GABRA6: variants seen among roughly 807,000 people sequenced by gnomAD.
GABRA6 encodes gamma-aminobutyric acid receptor subunit alpha-6.
In GABRA6, 45 loss-of-function variants were observed where a neutral mutation model predicts 47.3. The observed-to-expected ratio is 0.95, with a 90% CI of 0.75 to 1.22. The LOEUF is 1.22. GABRA6 is among the 50% of genes most tolerant of loss of function. GABRA6 has a pLI of 0.00. For synonymous variants in GABRA6, 219 were observed against 194.7 expected (o/e 1.12, Z -1.04); for missense variants, 583 against 549.3 (o/e 1.06, Z -0.61).
intron 8 of GABRA6, among the ~76,000 whole-genome samples, chr5:161,692,941 C>T (rs1210362939): frequency 1.3e-5 from 2 of 152,086 alleles, no homozygotes; most frequent in Non-Finnish European, 2.9e-5. Context: ...TAAATTATAA[C>T]AACAATTAAG....
Position 161,686,254 on chromosome 5 carries a change from C to T in GABRA6, c.63C>T (p.Leu21=). 3 of 1,613,574 alleles carry T rather than the reference C, an allele frequency of 1.9e-6. No individual in the cohort carries two copies. The highest frequency in any genetic ancestry group is 1.3e-5 in the African/African-American group (1 of 75,026). Residue 21 remains leucine (L), a synonymous_variant, in exon 2 of 9, where the codon CTC becomes CTT. Transcript: ENST00000274545. ...GGCTAGAAAATGCCCTAGGGAAACT[C>T]GAAGTTGAAGGCAACTTCTACTCAG... ...ILWLENALGK[L]EVEGNFYSEN...
chr5:161,690,030 C>A, intron 6 of GABRA6, 171 bp from the exon 7 acceptor site: 1 of 701,364 alleles, frequency 1.4e-6, no homozygotes, highest in Non-Finnish European at 2.5e-6. Flanking sequence ...GTTGATGTGT[C>A]TCTTCGCTCT....
At chr5:161,689,896 G>GAAGT in intron 6 of GABRA6, 117 bp downstream of exon 6, 1 of 1,117,506 alleles carries the variant, frequency 8.9e-7, no homozygotes, top group Non-Finnish European at 1.3e-6. Context: ...ATGCTGTTTT[G>GAAGT]CAGTGATGAG....
At chr5:161,693,194 G>A (rs1465658925) in intron 8 of GABRA6, among the ~76,000 whole-genome samples, 1 of 152,074 alleles carries the variant, frequency 6.6e-6, no homozygotes, top group Non-Finnish European at 1.5e-5. Context: ...GTTTTAAAGC[G>A]ATTTGTTTTT....
rs1263855213 is a variant in GABRA6 at position 161,689,699 on chromosome 5, T to C, written c.593T>C (p.Val198Ala). 2 of 1,610,124 alleles carry C rather than the reference T, an allele frequency of 1.2e-6. No individual in the cohort carries two copies. The highest frequency in any genetic ancestry group is 1.7e-6 in the Non-Finnish European group (2 of 1,176,396). The change falls in exon 6 of 9, where the codon GTC becomes GCC. Residue 198 changes from valine to alanine, a missense_variant. Val to Ala is a moderately conservative substitution (Grantham distance 64, BLOSUM62 0). Coordinates refer to ENST00000274545, the MANE Select transcript of GABRA6 (RefSeq NM_000811.3). ...AAAGGACCACTTTACTCAGTAGAAG[T>C]CCCAGAAGAATCTTCAAGCCTTCTC... Reference protein sequence around the residue: ...WKKGPLYSVEVPEESSSLLQY... With the variant: ...WKKGPLYSVEAPEESSSLLQY...
intron 8 of GABRA6, among the ~76,000 whole-genome samples, chr5:161,697,072 T>A (rs1056555095): frequency 2.6e-5 from 4 of 152,228 alleles, no homozygotes; most frequent in African/African-American, 9.7e-5. Context: ...AAGTCCAGTT[T>A]GACTTAAAGT....
At position 161,686,990 on chromosome 5, in the gene GABRA6, C is replaced by G. The variant is rs1438286343; in HGVS notation, c.212C>G (p.Ser71Ter). Residue 71 changes from serine to a stop codon, truncating the protein, a stop_gained, in exon 3 of 9, where the codon TCA (serine) becomes TGA (stop). Coordinates refer to ENST00000274545, the MANE Select transcript of GABRA6 (RefSeq NM_000811.3). LOFTEE classifies it high-confidence loss of function. ...DIYVTSFGPV[S>*]DVEMEYTMDV... ...TATGTGACCAGTTTTGGGCCCGTGTCAGATGTGGAGATGGTGAGTAAGTTC... is the reference window on the plus strand; with the variant it reads ...TATGTGACCAGTTTTGGGCCCGTGTGAGATGTGGAGATGGTGAGTAAGTTC... The G allele has an allele frequency of 1.2e-6, 2 of 1,613,752 alleles. No homozygotes were observed. Among genetic ancestry groups the G allele is most frequent in the African/African-American group, 2.7e-5 (2 of 74,898 alleles).
At chr5:161,691,551 C>T (rs1489076823) in intron 7 of GABRA6, among the ~76,000 whole-genome samples, 16 of 151,806 alleles carry the variant, frequency 1.1e-4, no homozygotes, top group Non-Finnish European at 2.4e-4. Context: ...CCGCCCGCCT[C>T]GGCCTCCCAA....
Position 161,699,523 on chromosome 5 carries a change from G to C in GABRA6, c.1087-1975G>C, listed in dbSNP as rs575167736. Among the ~76,000 whole-genome samples the C allele has an allele frequency of 1.2e-4, 18 of 151,076 alleles. No homozygotes were observed. The South Asian group carries it at 3.8e-3, about 32-fold the overall frequency. ...CTCTGCTTCTATCCACACACAGCCT[G>C]GTGATCCTGGGCATAGTAGTCCTCA... On this transcript the variant is annotated intron_variant, in intron 8 of 8. Coordinates refer to ENST00000274545, the MANE Select transcript of GABRA6 (RefSeq NM_000811.3).
At chr5:161,686,897 AGTGGT>A in intron 2 of GABRA6, 34 bp from the exon 3 acceptor site, 1 of 1,552,094 alleles carries the variant, frequency 6.4e-7, no homozygotes, top group Non-Finnish European at 8.9e-7. Context: ...CCTTAACATC[AGTGGT>A]GATAATTGTT....
chr5:161,697,952 G>A (rs114106594), intron 8 of GABRA6, among the ~76,000 whole-genome samples: 1 of 152,212 alleles, frequency 6.6e-6, no homozygotes, highest in Non-Finnish European at 1.5e-5. Flanking sequence ...TTTGAAAATT[G>A]CCTTGTAATG....
intron 7 of GABRA6, 87 bp downstream of exon 7, chr5:161,690,440 C>A: frequency 7.7e-7 from 1 of 1,305,480 alleles, no homozygotes; most frequent in Non-Finnish European, 1.1e-6. Flanking sequence ...CACTGGTGCA[C>A]TTTTTCAATC....
chr5:161,693,224 C>T (rs57113136), intron 8 of GABRA6, among the ~76,000 whole-genome samples: 85,522 of 151,922 alleles, frequency 0.56, 24,703 homozygotes, highest in Non-Finnish European at 0.64. Flanking sequence ...GAATCTGTGG[C>T]ACTTGTTGAC....
Position 161,685,751 on chromosome 5 carries a change from T to C in GABRA6, c.-239T>C. On this transcript the variant is annotated 5_prime_UTR_variant, in exon 1 of 9. Coordinates refer to ENST00000274545, the MANE Select transcript of GABRA6 (RefSeq NM_000811.3). ...GAGGAGCCTGGGTGTCTGCAGGACATAATCTAAGACCACAAACCACCTTGT... is the reference window on the plus strand; with the variant it reads ...GAGGAGCCTGGGTGTCTGCAGGACACAATCTAAGACCACAAACCACCTTGT... 1 of 588,794 alleles carries C rather than the reference T, an allele frequency of 1.7e-6. No individual in the cohort carries two copies. The highest frequency in any genetic ancestry group is 3.7e-4 in the Middle Eastern group (1 of 2,668). The allele number at this position is 588,794 out of a possible 1,614,324, so 36.5% of individuals were successfully genotyped here.
intron 8 of GABRA6, among the ~76,000 whole-genome samples, chr5:161,698,788 T>G (rs1754927151): frequency 1.3e-5 from 2 of 152,094 alleles, no homozygotes; most frequent in Admixed American, 1.3e-4. Flanking sequence ...TCTTAACTCC[T>G]AGAAAACCCT....
At chr5:161,687,647 C>G (rs554074633) in intron 3 of GABRA6, 131 of 370,842 alleles carry the variant, frequency 3.5e-4, no homozygotes, top group African/African-American at 2.6e-3. Flanking sequence ...GCATTTCTCT[C>G]TAAAACGGAA....
intron 3 of GABRA6, among the ~76,000 whole-genome samples, chr5:161,688,322 A>T (rs914138082): frequency 1.3e-5 from 2 of 152,194 alleles, no homozygotes; most frequent in Non-Finnish European, 2.9e-5. Context: ...TAATTCTTAA[A>T]CATTTTAATG....
Position 161,685,853 on chromosome 5 carries a change from G to T in GABRA6, c.-137G>T, listed in dbSNP as rs1160669623. 3.9e-6 allele frequency: 3 copies of T among 774,114 alleles called. No individual in the cohort carries two copies. The African/African-American group carries it at 5.1e-5, about 13-fold the overall frequency. 48.0% of individuals were successfully genotyped at this position (774,114 alleles called of 1,614,324 possible). ...TTTTAGGCAACCTCTTTATCTATTG[G>T]ATTACTGACTTGAGGCAAACAAGGA... On this transcript the variant is annotated 5_prime_UTR_variant, in exon 1 of 9. Coordinates refer to ENST00000274545, the MANE Select transcript of GABRA6 (RefSeq NM_000811.3).
At position 161,690,195 on chromosome 5, in the gene GABRA6, C is replaced by T; in HGVS notation, c.674-6C>T. On this transcript the variant is annotated splice_region_variant and splice_polypyrimidine_tract_variant and intron_variant, in intron 6 of 8. Transcript: ENST00000274545. ...TAATAATACTGATGTATGTGTCTTC[C>T]AACAGGTGAATACGTTATAATGACA... 1 of 1,613,088 alleles carries T rather than the reference C, an allele frequency of 6.2e-7. No homozygotes were observed. The highest frequency in any genetic ancestry group is 8.5e-7 in the Non-Finnish European group (1 of 1,179,288).
Sources: gnomAD v4.1 joint callset for allele counts (sites outside exome capture counted in the v4.1 genomes callset) on GRCh38, gnomAD v4.1.1 for gene constraint, MANE v1.5 for transcripts, NCBI Gene and HGNC (gene_info 2026-07-23, HGNC 2026-07-21) for gene names.